GOLGB1: variants seen among roughly 807,000 people sequenced by gnomAD.
GOLGB1 encodes the protein golgin subfamily B member 1.
A neutral mutation model predicts 336.9 loss-of-function variants in GOLGB1; 174 were observed. That is an observed-to-expected ratio of 0.52 (90% CI 0.46 to 0.59). GOLGB1 has a LOEUF of 0.59. GOLGB1 is among the 20% of genes least tolerant of loss of function. The pLI is 0.00. For missense variants in GOLGB1, 3,331 were observed against 3,645.3 expected (o/e 0.91, Z 2.22); for synonymous variants, 1,208 against 1,289.2 (o/e 0.94, Z 1.35).
intron 4 of GOLGB1, among the ~76,000 whole-genome samples, chr3:121,728,475 A>C (rs1945836171): frequency 6.6e-6 from 1 of 152,244 alleles, no homozygotes; most frequent in Non-Finnish European, 1.5e-5. Flanking sequence ...GCCTGCCTCC[A>C]TATAATCTGT....
At chr3:121,682,957 G>C (rs1941247218) in intron 14 of GOLGB1, among the ~76,000 whole-genome samples, 3 of 151,812 alleles carry the variant, frequency 2.0e-5, no homozygotes, top group South Asian at 4.2e-4. Flanking sequence ...AACAGCATCA[G>C]GCACCTCTGG....
Position 121,726,970 on chromosome 3 carries a change from T to C in GOLGB1, c.474A>G (p.Glu158=). 1 of 1,605,456 alleles carries C rather than the reference T, an allele frequency of 6.2e-7. No individual in the cohort carries two copies. ...KIKHKLQEKE[E]LISTLQAQLT... is the part of the protein sequence containing the mutation. ...GCTGGGCTTGCAAAGTGCTGATTAG[T>C]TCCTCCTTCTCCTGGAGCTTATGTT... The change falls in exon 5 of 22, where the codon GAA becomes GAG. Residue 158 remains glutamate (E), a synonymous_variant. Coordinates refer to ENST00000614479, the MANE Select transcript of GOLGB1 (RefSeq NM_001366282.2).
At chr3:121,677,237 T>G (rs1230406982) in intron 16 of GOLGB1, 48 bp downstream of exon 16, 3 of 1,438,930 alleles carry the variant, frequency 2.1e-6, no homozygotes, top group Non-Finnish European at 2.9e-6. Flanking sequence ...CATCATCATT[T>G]GTTTAAAAAT....
intron 20 of GOLGB1, among the ~76,000 whole-genome samples, chr3:121,666,743 A>G (rs1483732132): frequency 1.3e-5 from 2 of 152,244 alleles, no homozygotes; most frequent in Admixed American, 6.5e-5. Flanking sequence ...AAAATATAAT[A>G]AAAGTGCCTG....
At chr3:121,724,102 T>C (rs1384118560) in intron 5 of GOLGB1, among the ~76,000 whole-genome samples, 1 of 151,964 alleles carries the variant, frequency 6.6e-6, no homozygotes, top group Non-Finnish European at 1.5e-5. Flanking sequence ...TCGTTGATAA[T>C]GATTATTTGA....
At chr3:121,674,003 G>A (rs1394204679) in intron 17 of GOLGB1, among the ~76,000 whole-genome samples, 1 of 152,206 alleles carries the variant, frequency 6.6e-6, no homozygotes, top group African/African-American at 2.4e-5. Flanking sequence ...TTACAGGCAT[G>A]AGCCACCATG....
Position 121,696,693 on chromosome 3 carries a change from T to C in GOLGB1, c.3830A>G (p.Glu1277Gly), listed in dbSNP as rs139068595. ...GLEEPLFKAT[E>G]QHHTQPVLES... is the part of the protein sequence containing the mutation. ...TAAAACAGGTTGAGTGTGATGCTGT[T>C]CTGTGGCTTTGAATAAAGGTTCTTC... Residue 1277 changes from glutamate (E) to glycine (G), a missense_variant, in exon 13 of 22, where the codon GAA (glutamate) becomes GGA (glycine). Transcript: ENST00000614479. 1.5e-4 allele frequency: 241 copies of C among 1,614,114 alleles called. 1 individual carries two copies. The highest frequency in any genetic ancestry group is 9.9e-4 in the Middle Eastern group (6 of 6,062).
At position 121,693,768 on chromosome 3, in the gene GOLGB1, A is replaced by G. The variant is rs767021669; in HGVS notation, c.6755T>C (p.Met2252Thr). Reference sequence around the variant, plus strand: ...GGAAATGTTAATCTTTAATTCTTCCATATGGATGGACATCTGTCTAAGTTG... The same window carrying G: ...GGAAATGTTAATCTTTAATTCTTCCGTATGGATGGACATCTGTCTAAGTTG... ...KDQLRQMSIHMEELKINISRL... is the reference protein window; with the variant it reads ...KDQLRQMSIHTEELKINISRL... Residue 2252 changes from methionine (M) to threonine (T), a missense_variant, in exon 13 of 22, where the codon ATG becomes ACG. Coordinates refer to ENST00000614479, the MANE Select transcript of GOLGB1 (RefSeq NM_001366282.2). The G allele has an allele frequency of 1.6e-5, 25 of 1,608,046 alleles. No individual in the cohort carries two copies. In the East Asian group the frequency reaches 3.6e-4, roughly 23 times the overall value.
chr3:121,671,900 T>C (rs904523822), intron 17 of GOLGB1, among the ~76,000 whole-genome samples: 1 of 152,130 alleles, frequency 6.6e-6, no homozygotes, highest in Non-Finnish European at 1.5e-5. Context: ...GTGATATTTG[T>C]CTTTCTGTTC....
At chr3:121,711,261 GA>G (rs1228510237) in intron 10 of GOLGB1, among the ~76,000 whole-genome samples, 1 of 151,442 alleles carries the variant, frequency 6.6e-6, no homozygotes, top group Non-Finnish European at 1.5e-5. Context: ...ACTCATAGAA[GA>G]ATCACATAGC....
chr3:121,684,127 C>CAAA (rs61510295), intron 14 of GOLGB1, among the ~76,000 whole-genome samples: 22 of 10,894 alleles, frequency 2.0e-3, no homozygotes, highest in Admixed American at 6.1e-3. Flanking sequence ...GACGCCGTCT[C>CAAA]AAAAAAAAAA....
At chr3:121,680,957 T>C (rs1001972227) in intron 15 of GOLGB1, among the ~76,000 whole-genome samples, 3 of 152,202 alleles carry the variant, frequency 2.0e-5, no homozygotes, top group Non-Finnish European at 4.4e-5. Flanking sequence ...TCACTTATTG[T>C]ATGAGCTAGC....
intron 19 of GOLGB1, 30 bp downstream of exon 19, chr3:121,668,031 G>T: frequency 8.4e-7 from 1 of 1,195,000 alleles, no homozygotes; most frequent in Non-Finnish European, 1.2e-6. Context: ...TCTGGTGTAT[G>T]CTCCAGGGTT....
intron 14 of GOLGB1, among the ~76,000 whole-genome samples, chr3:121,685,276 C>T (rs570800590): frequency 3.9e-5 from 6 of 152,216 alleles, no homozygotes; most frequent in African/African-American, 1.4e-4. Context: ...GTGGCTCACG[C>T]CTGTAATCCC....
chr3:121,711,673 T>C (rs908751758), intron 10 of GOLGB1, among the ~76,000 whole-genome samples: 8 of 152,198 alleles, frequency 5.3e-5, no homozygotes, highest in African/African-American at 1.7e-4. Context: ...AATTCAGTTG[T>C]ATACTTACAT....
Position 121,697,515 on chromosome 3 carries a change from G to C in GOLGB1, c.3008C>G (p.Ala1003Gly). The change falls in exon 13 of 22, where the codon GCT (alanine) becomes GGT (glycine). Residue 1003 changes from alanine (A) to glycine (G), a missense_variant. Physicochemically the swap from Ala to Gly is moderately conservative, Grantham distance 60 (BLOSUM62 0). Coordinates refer to ENST00000614479, the MANE Select transcript of GOLGB1 (RefSeq NM_001366282.2). ...CAGAAGCTCCTTTCTGTTAATAAGA[G>C]CTGCCTGGAGCTTTCTCTTTCTCTG... ...NEQRKRKLQA[A>G]LINRKELLQR... 6.2e-7 allele frequency: 1 copy of C among 1,613,336 alleles called. No homozygotes were observed.
chr3:121,718,374 T>C lies in GOLGB1; in HGVS notation c.885+14A>G. 6.4e-7 allele frequency: 1 copy of C among 1,551,270 alleles called. No individual in the cohort carries two copies. Among genetic ancestry groups the C allele is most frequent in the Non-Finnish European group, 8.9e-7 (1 of 1,123,934 alleles). On this transcript the variant is annotated intron_variant, in intron 8 of 21. Coordinates refer to ENST00000614479, the MANE Select transcript of GOLGB1 (RefSeq NM_001366282.2). ...TACCCTCCAAGGCAGGAAGTAAAGA[T>C]TAAAAGGCAGTACCTGGTTTCTCTG...
At position 121,692,009 on chromosome 3, in the gene GOLGB1, G is replaced by C. The variant is rs1431030794; in HGVS notation, c.7355C>G (p.Thr2452Ser). The change falls in exon 14 of 22, where the codon ACC becomes AGC. Residue 2452 changes from threonine (T) to serine (S), a missense_variant. Physicochemically the swap from Thr to Ser is moderately conservative, Grantham distance 58. Coordinates refer to ENST00000614479, the MANE Select transcript of GOLGB1 (RefSeq NM_001366282.2). ...TTGCTGAATGTTTTCCTTTTTGATG[G>C]TTTTCAGTGTTTCCATAAGCTGATT... Reference protein sequence around the residue: ...KTNQLMETLKTIKKENIQQKA... With the variant: ...KTNQLMETLKSIKKENIQQKA... 1 of 1,613,406 alleles carries C rather than the reference G, an allele frequency of 6.2e-7. No homozygotes were observed. The highest frequency in any genetic ancestry group is 1.1e-5 in the South Asian group (1 of 90,896).
intron 5 of GOLGB1, among the ~76,000 whole-genome samples, chr3:121,726,127 T>C (rs1044947433): frequency 1.3e-5 from 2 of 151,112 alleles, no homozygotes; most frequent in Admixed American, 6.6e-5. Context: ...TCAAAAAGTT[T>C]TTAAAAATTA....
Sources: gnomAD v4.1 joint callset for allele counts (sites outside exome capture counted in the v4.1 genomes callset) on GRCh38, gnomAD v4.1.1 for gene constraint, MANE v1.5 for transcripts, NCBI Gene and HGNC (gene_info 2026-07-23, HGNC 2026-07-21) for gene names.